MEGF11: variants seen among roughly 807,000 people sequenced by gnomAD.
The protein encoded by MEGF11 is multiple epidermal growth factor-like domains protein 11.
Under a neutral mutation model 146.6 loss-of-function variants are expected in MEGF11, and 126 were observed. That is an observed-to-expected ratio of 0.86 (90% confidence interval 0.74 to 1.00). The LOEUF (loss-of-function observed/expected upper bound fraction) is 1.00. MEGF11 is among the 50% of genes least tolerant of loss of function. MEGF11 has a pLI of 0.00. For synonymous variants in MEGF11, 532 were observed against 583.4 expected (o/e 0.91, Z 1.27); for missense variants, 1,509 against 1,521.2 (o/e 0.99, Z 0.13).
At chr15:66,025,605 T>C (rs2083300955) in intron 5 of MEGF11, among the ~76,000 whole-genome samples, 1 of 152,102 alleles carries the variant, frequency 6.6e-6, no homozygotes, top group African/African-American at 2.4e-5. Context: ...ACCTATAATA[T>C]GGGAATGATG....
At chr15:65,993,807 A>G (rs1407207295) in intron 5 of MEGF11, among the ~76,000 whole-genome samples, 1 of 152,248 alleles carries the variant, frequency 6.6e-6, no homozygotes, top group African/African-American at 2.4e-5. Context: ...AACTCCAGAC[A>G]TGACCATTTC....
Position 65,982,875 on chromosome 15 carries a change from C to A in MEGF11, c.395-387G>T, listed in dbSNP as rs2081708320. The stretch of plus-strand genomic sequence containing the variant: ...GCTGCCTGTTTCTGTTCCTTTCTGC[C>A]GGGCCCTTTCTTTTCCCATCTGCCA... On this transcript the variant is annotated intron_variant, in intron 5 of 25. Coordinates refer to ENST00000395614, the MANE Select transcript of MEGF11 (RefSeq NM_001385028.1). The surrounding 1 kb of genome is among the most constrained non-coding windows in gnomAD (Gnocchi z 5.6). Among the ~76,000 whole-genome samples, 1 of 151,988 alleles carries A rather than the reference C, an allele frequency of 6.6e-6. No homozygotes were observed. The highest frequency in any genetic ancestry group is 6.6e-5 in the Admixed American group (1 of 15,258).
intron 10 of MEGF11, among the ~76,000 whole-genome samples, chr15:65,932,508 A>AG (rs1388556105): frequency 6.6e-6 from 1 of 151,832 alleles, no homozygotes; most frequent in Non-Finnish European, 1.5e-5. Flanking sequence ...AGAGGCCTTG[A>AG]GGGGTGGGAG....
intron 10 of MEGF11, among the ~76,000 whole-genome samples, chr15:65,936,720 G>A (rs774464865): frequency 6.6e-6 from 1 of 152,248 alleles, no homozygotes; most frequent in Non-Finnish European, 1.5e-5. Context: ...TTCATGAGAA[G>A]AGGGGCCTTA....
intron 5 of MEGF11, among the ~76,000 whole-genome samples, chr15:66,015,282 C>T (rs2082849222): frequency 6.6e-6 from 1 of 152,162 alleles, no homozygotes; most frequent in South Asian, 2.1e-4. Context: ...TTTCAGAGCC[C>T]ACTGTAGGAG....
intron 13 of MEGF11, among the ~76,000 whole-genome samples, chr15:65,928,192 A>G (rs543419899): frequency 5.9e-4 from 90 of 152,290 alleles, no homozygotes; most frequent in African/African-American, 2.1e-3. Flanking sequence ...TCAGCTTTTG[A>G]CCTACTGGAG....
intron 15 of MEGF11, among the ~76,000 whole-genome samples, chr15:65,921,145 CT>C (rs753820504): frequency 2.0e-5 from 3 of 152,180 alleles, no homozygotes; most frequent in Non-Finnish European, 4.4e-5. Context: ...AATAGCCCAG[CT>C]CAGCAGTGAT....
intron 10 of MEGF11, among the ~76,000 whole-genome samples, chr15:65,945,784 C>T (rs923471257): frequency 6.6e-6 from 1 of 152,168 alleles, no homozygotes; most frequent in African/African-American, 2.4e-5. Flanking sequence ...GCTCTCCTGG[C>T]TCCATCACCC....
At chr15:66,030,022 A>C (rs2083460846) in intron 5 of MEGF11, among the ~76,000 whole-genome samples, 2 of 152,152 alleles carry the variant, frequency 1.3e-5, no homozygotes. Context: ...TCTCCAACCA[A>C]TGTTATCTCA....
intron 5 of MEGF11, among the ~76,000 whole-genome samples, chr15:66,042,125 T>C (rs1423841428): frequency 6.6e-4 from 69 of 104,300 alleles, no homozygotes; most frequent in Middle Eastern, 6.4e-3. Flanking sequence ...TTTTTTTTTT[T>C]CCTGAGACAG....
intron 1 of MEGF11, among the ~76,000 whole-genome samples, chr15:66,245,936 A>T (rs944500433): frequency 1.9e-4 from 29 of 151,938 alleles, no homozygotes; most frequent in East Asian, 7.8e-4. Context: ...CTCATGTCAG[A>T]AGGGAGAGAA....
chr15:66,101,015 G>A, intron 4 of MEGF11, among the ~76,000 whole-genome samples: 1 of 137,242 alleles, frequency 7.3e-6, no homozygotes, highest in African/African-American at 2.7e-5. Flanking sequence ...GGGCACGTGG[G>A]TGGGTGGGTG....
intron 10 of MEGF11, among the ~76,000 whole-genome samples, chr15:65,938,121 C>T (rs76276977): frequency 0.026 from 3,903 of 152,316 alleles, 76 homozygotes; most frequent in Non-Finnish European, 0.04. Context: ...TGCATGGCCT[C>T]GGCCTGGTCA....
chr15:66,199,207 T>C (rs1469251482), intron 1 of MEGF11, among the ~76,000 whole-genome samples: 1 of 152,196 alleles, frequency 6.6e-6, no homozygotes, highest in African/African-American at 2.4e-5. Flanking sequence ...TATTTAGTGT[T>C]CATTGATAAG....
intron 10 of MEGF11, among the ~76,000 whole-genome samples, chr15:65,953,307 T>C (rs1406699736): frequency 1.3e-5 from 2 of 152,234 alleles, no homozygotes; most frequent in Non-Finnish European, 1.5e-5. Context: ...ATAAGTGGCT[T>C]GCCAGTAGTC....
chr15:66,116,889 T>A (rs895203284), intron 4 of MEGF11, among the ~76,000 whole-genome samples: 16 of 152,288 alleles, frequency 1.1e-4, no homozygotes, highest in Non-Finnish European at 2.2e-4. Flanking sequence ...AAGCCTTGCC[T>A]AGGTTCGTGA....
chr15:66,203,473 A>G (rs1201563654), intron 1 of MEGF11, among the ~76,000 whole-genome samples: 1 of 152,182 alleles, frequency 6.6e-6, no homozygotes. Flanking sequence ...ACAAAGTCTA[A>G]GTTGTCCTAA....
At chr15:66,145,248 T>G (rs1337028125) in intron 1 of MEGF11, among the ~76,000 whole-genome samples, 2 of 151,992 alleles carry the variant, frequency 1.3e-5, no homozygotes, top group African/African-American at 4.8e-5. Context: ...TGAGCTGCAA[T>G]GAAATTCACC....
chr15:66,163,530 G>T (rs760459083), intron 1 of MEGF11, among the ~76,000 whole-genome samples: 1 of 152,124 alleles, frequency 6.6e-6, no homozygotes, highest in African/African-American at 2.4e-5. Flanking sequence ...GCCCTTTCCC[G>T]CCTGGAAGTT....
Sources: allele counts gnomAD v4.1 joint callset (sites outside exome capture counted in the v4.1 genomes callset), GRCh38; gene constraint gnomAD v4.1.1; non-coding constraint Gnocchi (gnomAD v3.1); transcripts MANE v1.5; gene names NCBI Gene and HGNC (gene_info 2026-07-23, HGNC 2026-07-21).